TRPM3: variants seen among roughly 807,000 people sequenced by gnomAD.
TRPM3 encodes long transient receptor potential channel 3.
TRPM3 carries 77 observed loss-of-function variants against 181.2 expected under a neutral mutation model. That is an observed-to-expected ratio of 0.42 (90% CI 0.35 to 0.51). The LOEUF is 0.51. TRPM3 is among the 20% of genes least tolerant of loss of function. The pLI is 0.01. For synonymous variants in TRPM3, 745 were observed against 796.4 expected (o/e 0.94, Z 1.09); for missense variants, 1,759 against 2,196.7 (o/e 0.80, Z 3.98).
intron 1 of TRPM3, among the ~76,000 whole-genome samples, chr9:71,396,393 A>G (rs2093195309): frequency 6.6e-6 from 1 of 152,176 alleles, no homozygotes; most frequent in East Asian, 1.9e-4. Context: ...AACTTTTAAG[A>G]GTCCAAAAGG....
At chr9:71,369,032 T>C (rs914085685) in intron 1 of TRPM3, among the ~76,000 whole-genome samples, 1 of 152,136 alleles carries the variant, frequency 6.6e-6, no homozygotes, top group Non-Finnish European at 1.5e-5. Context: ...GCTTAGAAGA[T>C]AGTCTTATAT....
intron 1 of TRPM3, among the ~76,000 whole-genome samples, chr9:71,016,158 T>A (rs920779218): frequency 1.3e-5 from 2 of 150,198 alleles, no homozygotes; most frequent in African/African-American, 4.9e-5. Flanking sequence ...AAAAAAAAAA[T>A]TCTGAAGATA....
intron 6 of TRPM3, among the ~76,000 whole-genome samples, chr9:70,805,204 G>T (rs2090361863): frequency 6.6e-6 from 1 of 151,090 alleles, no homozygotes; most frequent in Non-Finnish European, 1.5e-5. Context: ...GGAGGAGGGT[G>T]GGGTGAGAGA....
At chr9:71,106,323 G>A (rs1032837978) in intron 1 of TRPM3, among the ~76,000 whole-genome samples, 2 of 152,106 alleles carry the variant, frequency 1.3e-5, no homozygotes, top group African/African-American at 4.8e-5. Context: ...GGGCCGGGGG[G>A]AGGTATTTTG....
chr9:71,338,670 A>G (rs1317879763), intron 1 of TRPM3, among the ~76,000 whole-genome samples: 1 of 151,946 alleles, frequency 6.6e-6, no homozygotes, highest in African/African-American at 2.4e-5. Flanking sequence ...ACATGTAACT[A>G]GCTGCAAAAA....
chr9:70,830,593 T>C (rs2093828265), intron 5 of TRPM3, among the ~76,000 whole-genome samples: 1 of 152,164 alleles, frequency 6.6e-6, no homozygotes, highest in South Asian at 2.1e-4. Context: ...TAATAAGGGA[T>C]AAAAATTGAA....
At chr9:70,782,015 C>G (rs1176706021) in intron 7 of TRPM3, among the ~76,000 whole-genome samples, 2 of 151,762 alleles carry the variant, frequency 1.3e-5, no homozygotes, top group African/African-American at 4.8e-5. Flanking sequence ...AACAAAAAAA[C>G]CCAGAAAAAC....
intron 1 of TRPM3, among the ~76,000 whole-genome samples, chr9:71,407,041 T>A (rs1250928031): frequency 6.6e-6 from 1 of 152,178 alleles, no homozygotes; most frequent in Admixed American, 6.5e-5. Context: ...AAATTGGCTA[T>A]TTTCTCCTAG....
intron 9 of TRPM3, among the ~76,000 whole-genome samples, chr9:70,676,709 G>A (rs1157670265): frequency 6.6e-6 from 1 of 151,976 alleles, no homozygotes; most frequent in Admixed American, 6.5e-5. Flanking sequence ...ATGATGTTGG[G>A]GCTCAGAAAA....
chr9:70,938,912 C>A (rs539299659), intron 1 of TRPM3, among the ~76,000 whole-genome samples: 3 of 151,160 alleles, frequency 2.0e-5, no homozygotes, highest in Non-Finnish European at 4.4e-5. Context: ...GAGCCAAGAT[C>A]GCGCCACTGC....
chr9:71,070,215 A>G (rs2062557884), intron 1 of TRPM3, among the ~76,000 whole-genome samples: 1 of 152,208 alleles, frequency 6.6e-6, no homozygotes, highest in South Asian at 2.1e-4. Context: ...TCAGCAGAAA[A>G]CAAAATCGGA....
intron 1 of TRPM3, among the ~76,000 whole-genome samples, chr9:71,380,288 A>G (rs1039230154): frequency 1.3e-5 from 2 of 152,168 alleles, no homozygotes; most frequent in Admixed American, 6.6e-5. Flanking sequence ...ACAAGGCACA[A>G]AATGAAGAGA....
chr9:71,305,535 A>G (rs140576052), intron 1 of TRPM3, among the ~76,000 whole-genome samples: 4 of 152,274 alleles, frequency 2.6e-5, no homozygotes, highest in African/African-American at 4.8e-5. Flanking sequence ...ATTAGTAAAG[A>G]CAGAGTTCTG....
intron 1 of TRPM3, among the ~76,000 whole-genome samples, chr9:71,161,842 A>G (rs1195947603): frequency 6.6e-6 from 1 of 152,178 alleles, no homozygotes; most frequent in Admixed American, 6.6e-5. Context: ...AATACCTAAA[A>G]GTTTACTATA....
intron 1 of TRPM3, among the ~76,000 whole-genome samples, chr9:71,396,269 C>CA (rs139411334): frequency 0.039 from 3,766 of 95,928 alleles, 142 homozygotes; most frequent in African/African-American, 0.12. Context: ...GACCTAAGAA[C>CA]AAAAAACAAA....
intron 17 of TRPM3, among the ~76,000 whole-genome samples, chr9:70,618,377 A>G (rs1216568115): frequency 1.3e-5 from 2 of 152,236 alleles, no homozygotes; most frequent in African/African-American, 2.4e-5. Context: ...ATAGATTAGG[A>G]TTATCTAGCA....
intron 22 of TRPM3, among the ~76,000 whole-genome samples, chr9:70,567,308 A>G (rs951920370): frequency 6.6e-6 from 1 of 152,276 alleles, no homozygotes; most frequent in Non-Finnish European, 1.5e-5. Context: ...TTCAGTATTC[A>G]TGAAGACAGG....
chr9:70,683,604 C>G (rs2066044013), intron 8 of TRPM3, among the ~76,000 whole-genome samples: 1 of 151,910 alleles, frequency 6.6e-6, no homozygotes, highest in South Asian at 2.1e-4. Flanking sequence ...CAAACTCCAT[C>G]TATCTGCTGT....
Position 71,234,653 on chromosome 9 carries a change from C to G in TRPM3, c.183+212000G>C, listed in dbSNP as rs543771594. Among the ~76,000 whole-genome samples, 7 of 152,226 alleles carry G rather than the reference C, an allele frequency of 4.6e-5. No homozygotes were observed. The South Asian group carries it at 1.5e-3, about 32-fold the overall frequency. ...CTAATCTCTTCTTCTTATAAGAACACCAGTTACACCCACCTTAATGTCTTC... is the reference window on the plus strand; with the variant it reads ...CTAATCTCTTCTTCTTATAAGAACAGCAGTTACACCCACCTTAATGTCTTC... On this transcript the variant is annotated intron_variant, in intron 1 of 24. Coordinates refer to the TRPM3 transcript ENST00000357533.
Sources: allele counts gnomAD v4.1 joint callset (sites outside exome capture counted in the v4.1 genomes callset), GRCh38; gene constraint gnomAD v4.1.1; transcripts MANE v1.5; gene names NCBI Gene and HGNC (gene_info 2026-07-23, HGNC 2026-07-21).